SSBP2: variants seen among roughly 807,000 people sequenced by gnomAD.
The protein encoded by SSBP2 is single stranded DNA binding protein 2, also known as single-stranded DNA-binding protein 2.
A neutral mutation model predicts 61.8 loss-of-function variants in SSBP2; 17 were observed. That is an observed-to-expected ratio of 0.28 (90% CI 0.19 to 0.41). The LOEUF (loss-of-function observed/expected upper bound fraction) is 0.41, where lower values mean the gene tolerates loss of function less well. Ranked by LOEUF, SSBP2 falls within the 10% of genes least tolerant of loss-of-function variation. SSBP2 has a pLI of 1.00. For synonymous variants in SSBP2, 139 were observed against 141.3 expected (o/e 0.98, Z 0.12); for missense variants, 310 against 458.7 (o/e 0.68, Z 2.96).
At chr5:81,424,331 G>A (rs998982397) in intron 16 of SSBP2, among the ~76,000 whole-genome samples, 3 of 152,040 alleles carry the variant, frequency 2.0e-5, no homozygotes, top group Non-Finnish European at 4.4e-5. Context: ...GGCTGAGTTG[G>A]GAGAACTGCT....
intron 15 of SSBP2, among the ~76,000 whole-genome samples, chr5:81,434,633 C>CAAAAAAAAAAAAAAAAA (rs34269591): frequency 4.0e-4 from 17 of 43,008 alleles, no homozygotes; most frequent in Admixed American, 9.6e-4. Flanking sequence ...ACTCTTGACT[C>CAAAAAAAAAAAAAAAAA]AAAAAAAAAA....
At chr5:81,732,172 T>C (rs892373634) in intron 1 of SSBP2, among the ~76,000 whole-genome samples, 1 of 152,178 alleles carries the variant, frequency 6.6e-6, no homozygotes, top group African/African-American at 2.4e-5. Context: ...ATTAAGAGCA[T>C]ATGATGTTAA....
intron 1 of SSBP2, among the ~76,000 whole-genome samples, chr5:81,722,586 T>C (rs1755609387): frequency 6.6e-6 from 1 of 151,948 alleles, no homozygotes; most frequent in South Asian, 2.1e-4. Context: ...GATCCTAAGA[T>C]TATTGCAACA....
At chr5:81,539,966 C>T (rs1771125395) in intron 4 of SSBP2, among the ~76,000 whole-genome samples, 1 of 152,158 alleles carries the variant, frequency 6.6e-6, no homozygotes, top group East Asian at 1.9e-4. Flanking sequence ...TTGTTCAACT[C>T]TCACTTATGA....
At chr5:81,480,220 C>T (rs1312607511) in intron 6 of SSBP2, among the ~76,000 whole-genome samples, 1 of 152,192 alleles carries the variant, frequency 6.6e-6, no homozygotes, top group Non-Finnish European at 1.5e-5. Context: ...TGCATCATAA[C>T]TTCAATGGCA....
At position 81,555,952 on chromosome 5, in the gene SSBP2, G is replaced by A. The variant is rs536057116; in HGVS notation, c.283-42235C>T. ...AATGAGCAGATAGTAAATATATTAG[G>A]CTTTGCAGGCCTTATAGTCTCTGCT... On this transcript the variant is annotated intron_variant, in intron 4 of 16. Transcript: ENST00000320672. Among the ~76,000 whole-genome samples the A allele has an allele frequency of 1.4e-4, 21 of 152,064 alleles. No individual in the cohort carries two copies. In the East Asian group the frequency reaches 3.7e-3, roughly 27 times the overall value.
In SSBP2 at chr5:81,622,727, T is replaced by C. The variant is rs145774285; in HGVS notation, c.198-7170A>G. On this transcript the variant is annotated intron_variant, in intron 3 of 16. Transcript: ENST00000320672. ...GAGGATACAACAAAACTTGGTAAACTGAAGCCAGACTTTTTGTTTCAACCT... is the reference window on the plus strand; with the variant it reads ...GAGGATACAACAAAACTTGGTAAACCGAAGCCAGACTTTTTGTTTCAACCT... 8.5e-5 allele frequency among the ~76,000 whole-genome samples: 13 copies of C among 152,326 alleles called. No homozygotes were observed. The East Asian group carries it at 2.5e-3, about 29-fold the overall frequency.
chr5:81,718,340 A>G (rs1310136428), intron 1 of SSBP2, among the ~76,000 whole-genome samples: 1 of 152,156 alleles, frequency 6.6e-6, no homozygotes, highest in African/African-American at 2.4e-5. Context: ...ACTGCTAGCA[A>G]AGAAAAACCC....
At chr5:81,522,290 T>C (rs1769550985) in intron 4 of SSBP2, among the ~76,000 whole-genome samples, 1 of 152,012 alleles carries the variant, frequency 6.6e-6, no homozygotes, top group African/African-American at 2.4e-5. Context: ...AAATACAGAA[T>C]TGAGTGTAAC....
intron 5 of SSBP2, among the ~76,000 whole-genome samples, chr5:81,502,462 TTGA>T (rs928654801): frequency 6.6e-6 from 1 of 152,200 alleles, no homozygotes; most frequent in Non-Finnish European, 1.5e-5. Context: ...CACTATCTTG[TTGA>T]TGTCATCCAG....
At position 81,569,680 on chromosome 5, in the gene SSBP2, T is replaced by C. The variant is rs564667055; in HGVS notation, c.282+45793A>G. ...ACAACTAACTCAATCTTTACCTATA[T>C]AAGCAGCAACTAATACAGTAATAAT... On this transcript the variant is annotated intron_variant, in intron 4 of 16. Transcript: ENST00000320672. 2.0e-5 allele frequency among the ~76,000 whole-genome samples: 3 copies of C among 152,296 alleles called. No homozygotes were observed. In the South Asian group the frequency reaches 6.2e-4, roughly 32 times the overall value.
At position 81,650,265 on chromosome 5, in the gene SSBP2, A is replaced by G; in HGVS notation, c.135+2T>C. The G allele has an allele frequency of 6.4e-7, 1 of 1,568,074 alleles. No homozygotes were observed. The highest frequency in any genetic ancestry group is 1.8e-5 in the Admixed American group (1 of 56,110). ...GCAATACAGAAAATATATAAAACAT[A>G]CCTCTGATAAAAATGTTTGAGCTGA... On this transcript the variant is annotated splice_donor_variant, in intron 2 of 16. Transcript: ENST00000320672. LOFTEE classifies it high-confidence loss of function.
At chr5:81,589,861 G>C (rs1775358212) in intron 4 of SSBP2, among the ~76,000 whole-genome samples, 2 of 152,030 alleles carry the variant, frequency 1.3e-5, no homozygotes, top group Admixed American at 1.3e-4. Context: ...GAGAGAGCAA[G>C]AGGGTGAGAG....
At position 81,488,044 on chromosome 5, in the gene SSBP2, T is replaced by TA. The variant is rs1470188459; in HGVS notation, c.432+1205dup. The stretch of plus-strand genomic sequence containing the variant: ...ATATATATATATATATATATATATA[T>TA]ATATATATATATATAAATAAAATAT... On this transcript the variant is annotated intron_variant, in intron 6 of 16. Transcript: ENST00000320672. 1.1e-3 allele frequency among the ~76,000 whole-genome samples: 68 copies of TA among 63,584 alleles called. 4 individuals are homozygous for TA. The highest frequency in any genetic ancestry group is 2.3e-3 in the Admixed American group (15 of 6,466). 41.7% of individuals were successfully genotyped at this position (63,584 alleles called of 152,430 possible). A position where few individuals can be genotyped will look rare whatever the true frequency, so the allele number is the denominator to read the frequency against.
At chr5:81,737,646 GGT>G (rs1756712750) in intron 1 of SSBP2, among the ~76,000 whole-genome samples, 1 of 151,894 alleles carries the variant, frequency 6.6e-6, no homozygotes, top group East Asian at 1.9e-4. Flanking sequence ...AAATTAGCCG[GGT>G]GTGGTGGCGG....
chr5:81,577,992 C>T (rs906436929), intron 4 of SSBP2, among the ~76,000 whole-genome samples: 2 of 151,984 alleles, frequency 1.3e-5, no homozygotes, highest in Non-Finnish European at 2.9e-5. Context: ...TTACTAGCCA[C>T]ATTTTATAGA....
At chr5:81,581,945 A>G (rs1186290111) in intron 4 of SSBP2, among the ~76,000 whole-genome samples, 4 of 152,194 alleles carry the variant, frequency 2.6e-5, no homozygotes, top group Non-Finnish European at 4.4e-5. Context: ...TACTATATTA[A>G]AAAATATAAA....
At chr5:81,635,767 G>A (rs1432024851) in intron 3 of SSBP2, among the ~76,000 whole-genome samples, 10 of 151,798 alleles carry the variant, frequency 6.6e-5, no homozygotes, top group Admixed American at 6.6e-4. Flanking sequence ...CTATTTTTTA[G>A]TAGAGACGGG....
intron 5 of SSBP2, among the ~76,000 whole-genome samples, chr5:81,507,044 T>C (rs1361464647): frequency 2.0e-5 from 3 of 152,106 alleles, no homozygotes; most frequent in Non-Finnish European, 4.4e-5. Context: ...TTTTTTCTTA[T>C]TGCGTTATTA....
Sources: gnomAD v4.1 joint callset for allele counts (sites outside exome capture counted in the v4.1 genomes callset) on GRCh38, gnomAD v4.1.1 for gene constraint, MANE v1.5 for transcripts, NCBI Gene and HGNC (gene_info 2026-07-23, HGNC 2026-07-21) for gene names.